The following EIF3H variants were observed in gnomAD, a reference collection of about 807,000 sequenced individuals.
The protein encoded by EIF3H is eukaryotic translation initiation factor 3 subunit H, also known as eIF-3-gamma.
In EIF3H, 26 loss-of-function variants were observed where a neutral mutation model predicts 44.2. That is an observed-to-expected ratio of 0.59 (90% CI 0.43 to 0.82). The LOEUF (loss-of-function observed/expected upper bound fraction) is 0.82. Ranked by LOEUF, EIF3H falls within the 40% of genes least tolerant of loss-of-function variation. The probability of loss-of-function intolerance (pLI) is 0.00; values close to 1 mark genes in which losing one functional copy is unlikely to be tolerated. For synonymous variants in EIF3H, 166 were observed against 151.9 expected, an observed-to-expected ratio of 1.09 and a Z score of -0.68; for missense variants, 359 against 432.8, an observed-to-expected ratio of 0.83 and a Z score of 1.51.
At chr8:116,676,823 A>G (rs1464875441) in intron 2 of EIF3H, among the ~76,000 whole-genome samples, 1 of 152,222 alleles carries the variant, frequency 6.6e-6, no homozygotes, top group Non-Finnish European at 1.5e-5. Context: ...TTCTGCTTTC[A>G]TAAGATTAGC....
At chr8:116,725,682 G>A (rs1324049991) in intron 2 of EIF3H, among the ~76,000 whole-genome samples, 1 of 152,168 alleles carries the variant, frequency 6.6e-6, no homozygotes, top group East Asian at 1.9e-4. Flanking sequence ...AGAAGGGAAT[G>A]GATAACAGAC....
intron 4 of EIF3H, among the ~76,000 whole-genome samples, chr8:116,656,602 C>T (rs535797148): frequency 6.6e-6 from 1 of 152,178 alleles, no homozygotes; most frequent in Admixed American, 6.5e-5. Context: ...AGAGAAGAAC[C>T]GTCCTACATG....
intron 1 of EIF3H, among the ~76,000 whole-genome samples, chr8:116,763,096 T>G (rs1025201100): frequency 6.6e-6 from 1 of 152,224 alleles, no homozygotes; most frequent in African/African-American, 2.4e-5. Flanking sequence ...TTATGTTATA[T>G]TTGGTGGTTT....
At chr8:116,695,289 G>T (rs560671228) in intron 2 of EIF3H, among the ~76,000 whole-genome samples, 1 of 152,066 alleles carries the variant, frequency 6.6e-6, no homozygotes, top group Non-Finnish European at 1.5e-5. Context: ...GGCTAGTCTC[G>T]AACTCCTGGA....
At chr8:116,694,535 A>G (rs1814234356) in intron 2 of EIF3H, among the ~76,000 whole-genome samples, 1 of 152,194 alleles carries the variant, frequency 6.6e-6, no homozygotes, top group Non-Finnish European at 1.5e-5. Flanking sequence ...AAATTGCGAT[A>G]ATTCTCTTTC....
At chr8:116,732,604 C>T (rs1335902968) in intron 1 of EIF3H, among the ~76,000 whole-genome samples, 1 of 152,182 alleles carries the variant, frequency 6.6e-6, no homozygotes, top group Non-Finnish European at 1.5e-5. Flanking sequence ...GATTTGAAAT[C>T]TTTCTGCATA....
At chr8:116,682,781 T>G (rs1563641926) in intron 2 of EIF3H, among the ~76,000 whole-genome samples, 1 of 152,208 alleles carries the variant, frequency 6.6e-6, no homozygotes, top group Non-Finnish European at 1.5e-5. Context: ...GCCTGTTACT[T>G]CTATTCAACA....
intron 1 of EIF3H, among the ~76,000 whole-genome samples, chr8:116,729,766 G>A (rs1814920106): frequency 6.6e-6 from 1 of 152,146 alleles, no homozygotes; most frequent in South Asian, 2.1e-4. Flanking sequence ...TCTCTCTCTA[G>A]GCAAGGGACA....
chr8:116,699,491 T>C (rs1814331574), intron 2 of EIF3H, among the ~76,000 whole-genome samples: 2 of 151,936 alleles, frequency 1.3e-5, no homozygotes, highest in African/African-American at 4.8e-5. Flanking sequence ...AAGTGGGAGC[T>C]AAAAAATGGG....
chr8:116,687,287 G>A (rs968659965), intron 2 of EIF3H, among the ~76,000 whole-genome samples: 1 of 152,118 alleles, frequency 6.6e-6, no homozygotes, highest in Admixed American at 6.6e-5. Flanking sequence ...CAAAATTCCA[G>A]GAAGAATTTT....
intron 2 of EIF3H, among the ~76,000 whole-genome samples, chr8:116,723,814 G>A (rs758037132): frequency 4.6e-5 from 7 of 152,064 alleles, no homozygotes; most frequent in Non-Finnish European, 8.8e-5. Flanking sequence ...ACTACAAAAC[G>A]CTGCTAAAAG....
intron 2 of EIF3H, 136 bp downstream of exon 2, chr8:116,725,880 C>A: frequency 9.6e-7 from 1 of 1,042,718 alleles, no homozygotes; most frequent in Non-Finnish European, 1.3e-6. Flanking sequence ...ATAATTTTCC[C>A]AAAGTATCAG....
rs1054558310 is a variant in EIF3H at position 116,655,751 on chromosome 8, C to T, written c.707+105G>A. ...TATACATGTTTTAAGAACCTATAAACGTTCTTAAGTAACTGTTTTCTTGTT... is the reference window on the plus strand; with the variant it reads ...TATACATGTTTTAAGAACCTATAAATGTTCTTAAGTAACTGTTTTCTTGTT... On this transcript the variant is annotated intron_variant, in intron 5 of 7. Transcript: ENST00000521861. 5.8e-6 allele frequency: 7 copies of T among 1,215,818 alleles called. No homozygotes were observed. In the Admixed American group the frequency reaches 6.2e-5, roughly 11 times the overall value. The allele number at this position is 1,215,818 out of a possible 1,614,324, so 75.3% of individuals were successfully genotyped here.
rs2130791707 is a variant in EIF3H, at chr8:116,657,259, A to G, written c.513T>C (p.Pro171=). 6.2e-7 allele frequency: 1 copy of G among 1,613,834 alleles called. No homozygotes were observed. The highest frequency in any genetic ancestry group is 2.2e-5 in the East Asian group (1 of 44,878). The change falls in exon 4 of 8, where the codon CCT becomes CCC. Residue 171 remains proline, a synonymous_variant. Coordinates refer to ENST00000521861, the MANE Select transcript of EIF3H (RefSeq NM_003756.3). The stretch of plus-strand genomic sequence containing the variant: ...TTTCTTTACAAACTTCCATCAGTTT[A>G]GGAGTCAGTCTGTATGCCTTTAGTG... ...SLSLKAYRLT[P]KLMEVCKEKD...
intron 2 of EIF3H, among the ~76,000 whole-genome samples, chr8:116,694,661 T>C (rs986025540): frequency 3.9e-5 from 6 of 152,256 alleles, no homozygotes; most frequent in Admixed American, 2.0e-4. Flanking sequence ...CACACTGCGG[T>C]GAAATCATTC....
At chr8:116,746,148 C>A (rs1477233431) in intron 1 of EIF3H, among the ~76,000 whole-genome samples, 1 of 152,166 alleles carries the variant, frequency 6.6e-6, no homozygotes, top group East Asian at 1.9e-4. Flanking sequence ...AGCTACAAAT[C>A]TTCTACAATA....
rs73324033 is a variant in EIF3H, at chr8:116,683,765, C to T, written c.290-24785G>A. 4.1e-3 allele frequency among the ~76,000 whole-genome samples: 628 copies of T among 152,218 alleles called. 4 individuals are homozygous for T. The highest frequency in any genetic ancestry group is 0.014 in the African/African-American group (565 of 41,532). ...TAAAGCAAAAAACAATCTCTGGTTACGAAGATGCTATTTTATAAATGCTAA... is the reference window on the plus strand; with the variant it reads ...TAAAGCAAAAAACAATCTCTGGTTATGAAGATGCTATTTTATAAATGCTAA... On this transcript the variant is annotated intron_variant, in intron 2 of 7. Transcript: ENST00000521861.
exon 1 of EIF3H, chr8:116,765,531 G>A (rs1286880937): frequency 6.6e-6 from 1 of 152,106 alleles, no homozygotes; most frequent in African/African-American, 2.4e-5. Flanking sequence ...GTGGATACTC[G>A]ACAGTTAGCC....
chr8:116,736,032 T>A (rs1815033288), intron 1 of EIF3H, among the ~76,000 whole-genome samples: 1 of 152,216 alleles, frequency 6.6e-6, no homozygotes, highest in Non-Finnish European at 1.5e-5. Context: ...GTATATCTAT[T>A]CTATGGAATT....
Sources: gnomAD v4.1 joint callset for allele counts (sites outside exome capture counted in the v4.1 genomes callset) on GRCh38, gnomAD v4.1.1 for gene constraint, MANE v1.5 for transcripts, NCBI Gene and HGNC (gene_info 2026-07-23, HGNC 2026-07-21) for gene names.